CD38: variants seen among roughly 807,000 people sequenced by gnomAD.
CD38 encodes CD38 molecule.
A neutral mutation model predicts 36.3 loss-of-function variants in CD38; 31 were observed. The observed-to-expected ratio is 0.85, with a 90% CI of 0.64 to 1.15. CD38 has a LOEUF of 1.15. Ranked by LOEUF, CD38 falls within the 50% of genes most tolerant of loss-of-function variation. The pLI is 0.00. For synonymous variants in CD38, 131 were observed against 135.2 expected, an observed-to-expected ratio of 0.97 and a Z score of 0.22; for missense variants, 380 against 371.9, an observed-to-expected ratio of 1.02 and a Z score of -0.18.
At chr4:15,796,399 A>G (rs114967689) in intron 1 of CD38, among the ~76,000 whole-genome samples, 3,311 of 152,056 alleles carry the variant, frequency 0.022, 62 homozygotes, top group Non-Finnish European at 0.032. Flanking sequence ...CAATATCCTC[A>G]TATCCTCCTT....
At chr4:15,828,768 G>A (rs1723900925) in intron 3 of CD38, among the ~76,000 whole-genome samples, 1 of 152,120 alleles carries the variant, frequency 6.6e-6, no homozygotes, top group African/African-American at 2.4e-5. Context: ...AAATAGTGCT[G>A]CAATGAACAT....
rs1399154974 is a variant in CD38, at chr4:15,838,026, G to T, written c.586-66G>T. ...ACCAGCTATTGCTAAGTATTGTTTT[G>T]AATGAAACTGCTGGAGGATGGTGAT... On this transcript the variant is annotated intron_variant, in intron 4 of 7. Transcript: ENST00000226279. 2.2e-5 allele frequency: 28 copies of T among 1,296,642 alleles called. 1 individual carries two copies. The highest frequency in any genetic ancestry group is 2.9e-5 in the Non-Finnish European group (26 of 900,784). 80.3% of individuals were successfully genotyped at this position (1,296,642 alleles called of 1,614,324 possible).
chr4:15,829,860 A>T (rs1477174477), intron 3 of CD38, among the ~76,000 whole-genome samples: 3 of 152,144 alleles, frequency 2.0e-5, no homozygotes, highest in Non-Finnish European at 4.4e-5. Context: ...TTCTGTGTCT[A>T]GCTTATTTCA....
At chr4:15,794,230 G>A (rs912595911) in intron 1 of CD38, among the ~76,000 whole-genome samples, 1 of 152,208 alleles carries the variant, frequency 6.6e-6, no homozygotes, top group South Asian at 2.1e-4. Context: ...CAAGTGGATG[G>A]CTACTTGCTT....
intron 7 of CD38, among the ~76,000 whole-genome samples, chr4:15,840,989 C>T (rs1372642758): frequency 6.6e-6 from 1 of 151,914 alleles, no homozygotes; most frequent in Admixed American, 6.6e-5. Context: ...AGATGCCTAA[C>T]ACATGACAAG....
In CD38 at chr4:15,848,571, CT is replaced by C; in HGVS notation, c.873del (p.Glu292ArgfsTer20). The C allele has an allele frequency of 6.2e-7, 1 of 1,613,864 alleles. No individual in the cohort carries two copies. Among genetic ancestry groups the C allele is most frequent in the South Asian group, 1.1e-5 (1 of 91,062 alleles). On this transcript the variant is annotated frameshift_variant, in exon 8 of 8. Coordinates refer to ENST00000226279, the MANE Select transcript of CD38 (RefSeq NM_001775.4). LOFTEE classifies it low-confidence loss of function (END_TRUNC). ...PDKFLQCVKN[P>X]EDSSCTSEI ...AAGTTTCTTCAGTGTGTGAAAAATC[CT>C]GAGGATTCATCTTGCACATCTGAGA... is the stretch of plus-strand genomic sequence containing the variant.
chr4:15,800,590 T>C lies in CD38; in HGVS notation c.234-15921T>C, dbSNP rs111537033. 7.6e-3 allele frequency among the ~76,000 whole-genome samples: 1,164 copies of C among 152,318 alleles called. 17 individuals carry two copies. Among genetic ancestry groups the C allele is most frequent in the African/African-American group, 0.026 (1,101 of 41,574 alleles). The stretch of plus-strand genomic sequence containing the variant: ...ATCATCTCATAGGCTTTTTGAAGTA[T>C]GTGTTCAAATCTTTTGCCCATCTTT... On this transcript the variant is annotated intron_variant, in intron 1 of 7. Transcript: ENST00000226279.
intron 4 of CD38, among the ~76,000 whole-genome samples, 166 bp from the exon 5 acceptor site, chr4:15,837,926 C>T (rs374050378): frequency 1.3e-5 from 2 of 152,160 alleles, no homozygotes; most frequent in Non-Finnish European, 2.9e-5. Context: ...AAGCATAATC[C>T]GTCCAGTGGC....
intron 1 of CD38, among the ~76,000 whole-genome samples, chr4:15,804,791 A>G (rs1723307830): frequency 6.6e-6 from 1 of 152,186 alleles, no homozygotes; most frequent in South Asian, 2.1e-4. Context: ...GAGATTGATC[A>G]ATGAATACAA....
intron 1 of CD38, among the ~76,000 whole-genome samples, chr4:15,784,546 A>G (rs2148913352): frequency 6.6e-6 from 1 of 152,232 alleles, no homozygotes; most frequent in South Asian, 2.1e-4. Context: ...TCAGCACACA[A>G]GAGACTATGA....
At chr4:15,786,538 A>G (rs1021866816) in intron 1 of CD38, among the ~76,000 whole-genome samples, 3 of 152,144 alleles carry the variant, frequency 2.0e-5, no homozygotes, top group Non-Finnish European at 2.9e-5. Context: ...CTTGAGCTAG[A>G]CACAGGGTGC....
In CD38 at chr4:15,840,054, T is replaced by C. The variant is rs1484478582; in HGVS notation, c.688T>C (p.Leu230=). Residue 230 remains leucine, a synonymous_variant, in exon 6 of 8, where the codon TTG becomes CTG. Coordinates refer to ENST00000226279, the MANE Select transcript of CD38 (RefSeq NM_001775.4). ...STFGSVEVHN[L]QPEKVQTLEA... ...TTTTGGGAGTGTGGAAGTCCATAAT[T>C]TGCAACCAGAGAAGGTTCAGACACT... The C allele has an allele frequency of 2.5e-6, 4 of 1,613,726 alleles. No homozygotes were observed.
chr4:15,840,560 A>G, intron 7 of CD38, 22 bp downstream of exon 7: 1 of 1,363,156 alleles, frequency 7.3e-7, no homozygotes, highest in East Asian at 2.3e-5. Context: ...CTTCTTGAAG[A>G]AAAAAATGAC....
chr4:15,780,721 C>A (rs1263622988), intron 1 of CD38, among the ~76,000 whole-genome samples: 1 of 152,120 alleles, frequency 6.6e-6, no homozygotes, highest in East Asian at 1.9e-4. Context: ...CCCAACAAAT[C>A]CTGGCATGGA....
chr4:15,810,298 A>G (rs1445354803), intron 1 of CD38, among the ~76,000 whole-genome samples: 1 of 152,252 alleles, frequency 6.6e-6, no homozygotes, highest in Non-Finnish European at 1.5e-5. Flanking sequence ...GTGATTATAT[A>G]TAAACACACT....
chr4:15,792,321 A>G (rs1441947253), intron 1 of CD38, among the ~76,000 whole-genome samples: 1 of 124,550 alleles, frequency 8.0e-6, no homozygotes, highest in Non-Finnish European at 1.6e-5. Flanking sequence ...TAGGAAAACC[A>G]GAGACCTTTG....
intron 1 of CD38, among the ~76,000 whole-genome samples, chr4:15,806,176 A>G (rs1028132782): frequency 1.3e-5 from 2 of 152,174 alleles, no homozygotes; most frequent in Non-Finnish European, 2.9e-5. Context: ...CTGTGTTTTC[A>G]TGTCTTCCTG....
Position 15,840,484 on chromosome 4 carries a change from T to C in CD38, c.785T>C (p.Leu262Pro), listed in dbSNP as rs1346248246. Residue 262 changes from leucine to proline, a missense_variant, in exon 7 of 8, where the codon CTG (leucine) becomes CCG (proline). Coordinates refer to ENST00000226279, the MANE Select transcript of CD38 (RefSeq NM_001775.4). ...DLCQDPTIKELESIISKRNIQ... is the reference protein window; with the variant it reads ...DLCQDPTIKEPESIISKRNIQ... ...TGCCAGGATCCCACCATAAAAGAGC[T>C]GGAATCGATTATAAGCAAAAGGAAT... The C allele has an allele frequency of 6.2e-7, 1 of 1,606,780 alleles. No homozygotes were observed. The highest frequency in any genetic ancestry group is 8.5e-7 in the Non-Finnish European group (1 of 1,173,756).
At chr4:15,784,525 G>C (rs3756241) in intron 1 of CD38, among the ~76,000 whole-genome samples, 91,853 of 151,904 alleles carry the variant, frequency 0.6, 30,031 homozygotes, top group African/African-American at 0.87. Context: ...TCTGTCCACA[G>C]CTGGACCTTC....
Sources: gnomAD v4.1 joint callset for allele counts (sites outside exome capture counted in the v4.1 genomes callset) on GRCh38, gnomAD v4.1.1 for gene constraint, MANE v1.5 for transcripts, NCBI Gene and HGNC (gene_info 2026-07-23, HGNC 2026-07-21) for gene names.